NELL1: variants seen among roughly 807,000 people sequenced by gnomAD.
The protein encoded by NELL1 is protein kinase C-binding protein NELL1.
In NELL1, 76 loss-of-function variants were observed where a neutral mutation model predicts 107.4. That is an observed-to-expected ratio of 0.71 (90% CI 0.59 to 0.86). NELL1 has a LOEUF of 0.86. Among genes scored for constraint, NELL1 ranks in the 40% least tolerant of loss-of-function variants. NELL1 has a pLI of 0.00. For synonymous variants in NELL1, 353 were observed against 341.2 expected (o/e 1.03, Z -0.38); for missense variants, 1,024 against 1,005.5 (o/e 1.02, Z -0.25).
chr11:21,100,743 C>G (rs1854784980), intron 12 of NELL1, among the ~76,000 whole-genome samples: 2 of 152,166 alleles, frequency 1.3e-5, no homozygotes. Flanking sequence ...ACCATAGCAG[C>G]TTTGCTTAAT....
intron 13 of NELL1, among the ~76,000 whole-genome samples, chr11:21,170,349 C>G (rs576288017): frequency 1.3e-5 from 2 of 151,768 alleles, no homozygotes; most frequent in East Asian, 3.9e-4. Flanking sequence ...TGATGTACAA[C>G]TAGAAGCAGT....
chr11:20,915,717 A>ATATATATATATATATTTTTTTTT lies in NELL1; in HGVS notation c.604-2464_604-2463insATATATATATATATTTTTTTTTT. 1.0e-3 allele frequency among the ~76,000 whole-genome samples: 60 copies of ATATATATATATATATTTTTTTTT among 58,200 alleles called. 1 individual carries two copies. The highest frequency in any genetic ancestry group is 2.7e-3 in the African/African-American group (30 of 11,308). The allele number at this position is 58,200 out of a possible 152,430, so 38.2% of individuals were successfully genotyped here. A position where few individuals can be genotyped will look rare whatever the true frequency, so the allele number is the denominator to read the frequency against. On this transcript the variant is annotated intron_variant, in intron 5 of 19. Transcript: ENST00000357134. Reference sequence around the variant, plus strand: ...TCATAGATGATATATATATATATATATTTTTTTTTTTTTTTTTTGAGAGGA... The same window carrying ATATATATATATATATTTTTTTTT: ...TCATAGATGATATATATATATATATATATATATATATATATTTTTTTTTTTTTTTTTTTTTTTTTTTGAGAGGA...
chr11:21,566,723 C>T (rs1464698751), intron 17 of NELL1, among the ~76,000 whole-genome samples: 2 of 151,852 alleles, frequency 1.3e-5, no homozygotes, highest in African/African-American at 2.4e-5. Flanking sequence ...GAGCTCCATA[C>T]TCTCCCCAAA....
chr11:20,783,769 A>G lies in NELL1; in HGVS notation c.274A>G (p.Thr92Ala). The G allele has an allele frequency of 6.2e-7, 1 of 1,613,890 alleles. No homozygotes were observed. Among genetic ancestry groups the G allele is most frequent in the Non-Finnish European group, 8.5e-7 (1 of 1,179,792 alleles). Reference protein sequence around the residue: ...RNKSEFTILATVQQKPSTSGV... With the variant: ...RNKSEFTILAAVQQKPSTSGV... The stretch of plus-strand genomic sequence containing the variant: ...CAAGAGTGAATTCACCATTTTGGCC[A>G]CTGTACAGCAGAAGCCATCCACTTC... The change falls in exon 3 of 20, where the codon ACT becomes GCT. Residue 92 changes from threonine (T) to alanine (A), a missense_variant. Transcript: ENST00000357134.
rs767866598 is a variant in NELL1, at chr11:21,560,210, G to A, written c.1808G>A (p.Arg603Lys). 1 of 1,613,610 alleles carries A rather than the reference G, an allele frequency of 6.2e-7. No individual in the cohort carries two copies. ...SCIDIDECAL[R>K]THTCWNDSAC... ...GCAGACATTGATGAATGTGCCTTAAGAACTCACACCTGTTGGAACGATTCT... is the reference window on the plus strand; with the variant it reads ...GCAGACATTGATGAATGTGCCTTAAAAACTCACACCTGTTGGAACGATTCT... Residue 603 changes from arginine (R) to lysine (K), a missense_variant, in exon 17 of 20, where the codon AGA becomes AAA. Arg to Lys is a conservative substitution (Grantham distance 26). Transcript: ENST00000357134.
chr11:21,001,736 T>TCCCACATTGGC (rs1852226147), intron 12 of NELL1, among the ~76,000 whole-genome samples: 1 of 150,566 alleles, frequency 6.6e-6, no homozygotes, highest in Non-Finnish European at 1.5e-5. Context: ...AACGGGGAGC[T>TCCCACATTGGC]CCCACATTGG....
chr11:20,942,521 G>T (rs564495775), intron 10 of NELL1, among the ~76,000 whole-genome samples: 18 of 152,284 alleles, frequency 1.2e-4, no homozygotes, highest in African/African-American at 4.3e-4. Context: ...ATAACCTATA[G>T]CTGGCACATT....
At chr11:21,533,483 G>A (rs1856047713) in intron 15 of NELL1, among the ~76,000 whole-genome samples, 1 of 152,092 alleles carries the variant, frequency 6.6e-6, no homozygotes, top group African/African-American at 2.4e-5. Flanking sequence ...TAATTACTTG[G>A]AGAAATTCTG....
At chr11:21,248,215 C>G (rs565570920) in intron 14 of NELL1, among the ~76,000 whole-genome samples, 1 of 151,802 alleles carries the variant, frequency 6.6e-6, no homozygotes, top group Non-Finnish European at 1.5e-5. Flanking sequence ...TGTGGTGGCA[C>G]GCACCTTGTG....
chr11:21,335,497 T>C (rs548982236), intron 14 of NELL1, among the ~76,000 whole-genome samples: 6 of 152,220 alleles, frequency 3.9e-5, no homozygotes, highest in African/African-American at 1.4e-4. Flanking sequence ...TAAATCACTT[T>C]GGATTAAGCA....
chr11:21,368,617 A>C (rs1394438270), intron 14 of NELL1, among the ~76,000 whole-genome samples: 1 of 152,058 alleles, frequency 6.6e-6, no homozygotes, highest in African/African-American at 2.4e-5. Context: ...TATACCTATC[A>C]GATACCTCCA....
chr11:21,240,027 G>T (rs1858312252), intron 14 of NELL1, among the ~76,000 whole-genome samples: 1 of 152,012 alleles, frequency 6.6e-6, no homozygotes, highest in Admixed American at 6.6e-5. Context: ...TCTTCATCAT[G>T]CTTGCCACAT....
At position 21,569,682 on chromosome 11, in the gene NELL1, G is replaced by A. The variant is rs113322963; in HGVS notation, c.1981-1082G>A. On this transcript the variant is annotated intron_variant, in intron 17 of 19. Transcript: ENST00000357134. ...GTTTGGAGTTCTGTTATTACTGAAG[G>A]TATGGATTCGGGTCAATGGATAGAA... Among the ~76,000 whole-genome samples, 16 of 151,880 alleles carry A rather than the reference G, an allele frequency of 1.1e-4. 2 individuals carry two copies. Among genetic ancestry groups the A allele is most frequent in the African/African-American group, 3.9e-4 (16 of 41,490 alleles).
At chr11:21,555,611 AG>A (rs1856685839) in intron 16 of NELL1, among the ~76,000 whole-genome samples, 1 of 151,902 alleles carries the variant, frequency 6.6e-6, no homozygotes, top group Non-Finnish European at 1.5e-5. Context: ...ACCATAGGAA[AG>A]GGTTTCTTCC....
intron 2 of NELL1, among the ~76,000 whole-genome samples, chr11:20,760,725 C>T (rs555022755): frequency 6.6e-5 from 10 of 152,302 alleles, no homozygotes; most frequent in African/African-American, 2.4e-4. Context: ...CTTAGGATTT[C>T]AAGCAAGATT....
At chr11:21,279,908 T>A (rs1848954392) in intron 14 of NELL1, among the ~76,000 whole-genome samples, 1 of 152,206 alleles carries the variant, frequency 6.6e-6, no homozygotes, top group South Asian at 2.1e-4. Flanking sequence ...TATCAAGCCA[T>A]GAAAAGAAAC....
chr11:20,868,605 A>G (rs930603805), intron 4 of NELL1, among the ~76,000 whole-genome samples: 1 of 152,192 alleles, frequency 6.6e-6, no homozygotes, highest in African/African-American at 2.4e-5. Flanking sequence ...TATATAGCTT[A>G]AATGGGTGAA....
At chr11:21,385,063 A>G (rs973624621) in intron 15 of NELL1, among the ~76,000 whole-genome samples, 2 of 151,866 alleles carry the variant, frequency 1.3e-5, no homozygotes, top group Non-Finnish European at 2.9e-5. Flanking sequence ...ACGTTTCTGC[A>G]CAAGCATTAC....
chr11:20,919,304 A>T lies in NELL1; in HGVS notation c.729A>T (p.Leu243Phe). ...GCCTGGTGCAAGGAATAATGGATTT[A>T]CAAGAGCTTTTGGCCAAGATGACTG... ...FLSLVQGIMDLQELLAKMTAK... is the reference protein window; with the variant it reads ...FLSLVQGIMDFQELLAKMTAK... The change falls in exon 7 of 20, where the codon TTA becomes TTT. Residue 243 changes from leucine (L) to phenylalanine (F), a missense_variant. Leu to Phe is a conservative substitution (Grantham distance 22). Transcript: ENST00000357134. The T allele has an allele frequency of 6.2e-7, 1 of 1,607,120 alleles. No individual in the cohort carries two copies. Among genetic ancestry groups the T allele is most frequent in the East Asian group, 2.2e-5 (1 of 44,682 alleles).
Sources: allele counts gnomAD v4.1 joint callset (sites outside exome capture counted in the v4.1 genomes callset), GRCh38; gene constraint gnomAD v4.1.1; transcripts MANE v1.5; gene names NCBI Gene and HGNC (gene_info 2026-07-23, HGNC 2026-07-21).